TMEM108: variants seen among roughly 807,000 people sequenced by gnomAD.
The protein encoded by TMEM108 is cancer/testis antigen 124.
In TMEM108, 12 loss-of-function variants were observed where a neutral mutation model predicts 35.1. The ratio of observed to expected loss-of-function variants is 0.34; its 90% CI spans 0.22 to 0.55. The LOEUF (loss-of-function observed/expected upper bound fraction) is 0.55, where lower values mean the gene tolerates loss of function less well. TMEM108 is among the 20% of genes least tolerant of loss of function. The pLI is 0.89. For missense variants in TMEM108, 680 were observed against 753.3 expected (o/e 0.90, Z 1.14); for synonymous variants, 287 against 308.6 (o/e 0.93, Z 0.73).
chr3:133,107,385 A>C (rs1944165043), intron 2 of TMEM108, among the ~76,000 whole-genome samples: 1 of 152,170 alleles, frequency 6.6e-6, no homozygotes, highest in Admixed American at 6.6e-5. Context: ...AGCCCATGAA[A>C]GATAAAACAG....
In TMEM108 at chr3:133,198,065, C is replaced by T. The variant is rs183069602; in HGVS notation, c.-46-31201C>T. ...GTCTCTGAGAGATGTAGTTTCCAGG[C>T]GTCATGCCCCTGAGGTACAAGAGAG... On this transcript the variant is annotated intron_variant, in intron 2 of 5. Coordinates refer to ENST00000321871, the MANE Select transcript of TMEM108 (RefSeq NM_023943.4). 3.9e-5 allele frequency among the ~76,000 whole-genome samples: 6 copies of T among 152,250 alleles called. No individual in the cohort carries two copies. The East Asian group carries it at 7.7e-4, about 20-fold the overall frequency.
chr3:133,168,723 C>G (rs907746185), intron 2 of TMEM108, among the ~76,000 whole-genome samples: 4 of 152,166 alleles, frequency 2.6e-5, no homozygotes, highest in Non-Finnish European at 5.9e-5. Flanking sequence ...CACTCAGGTC[C>G]CCTTTCACAC....
intron 2 of TMEM108, among the ~76,000 whole-genome samples, chr3:133,170,488 A>G (rs1388597625): frequency 1.3e-5 from 2 of 152,244 alleles, no homozygotes; most frequent in Non-Finnish European, 2.9e-5. Context: ...AACCAAAACT[A>G]GTAAAATGTG....
At chr3:133,195,755 C>T (rs1945566297) in intron 2 of TMEM108, among the ~76,000 whole-genome samples, 1 of 152,154 alleles carries the variant, frequency 6.6e-6, no homozygotes, top group Non-Finnish European at 1.5e-5. Context: ...TATGACTTAG[C>T]CAAGGATCTT....
intron 2 of TMEM108, among the ~76,000 whole-genome samples, chr3:133,190,305 T>C (rs1458199006): frequency 1.3e-5 from 2 of 152,176 alleles, no homozygotes; most frequent in African/African-American, 4.8e-5. Context: ...CCTGATTTTA[T>C]TTATATCAGG....
chr3:133,156,664 A>G (rs1004737476), intron 2 of TMEM108, among the ~76,000 whole-genome samples: 3 of 152,198 alleles, frequency 2.0e-5, no homozygotes, highest in Non-Finnish European at 4.4e-5. Flanking sequence ...GGATTCTTAT[A>G]TAAGATTGTC....
At chr3:133,120,186 G>A (rs1944335435) in intron 2 of TMEM108, among the ~76,000 whole-genome samples, 1 of 152,220 alleles carries the variant, frequency 6.6e-6, no homozygotes, top group Non-Finnish European at 1.5e-5. Flanking sequence ...ATTAAGGCAT[G>A]AGTGCACATC....
intron 3 of TMEM108, among the ~76,000 whole-genome samples, chr3:133,262,633 C>T (rs1405784441): frequency 2.0e-5 from 3 of 152,224 alleles, no homozygotes; most frequent in Admixed American, 2.0e-4. Context: ...CTAGAGGCTA[C>T]TAACTGTCAT....
chr3:133,302,415 CT>C lies in TMEM108; in HGVS notation c.40+73087del, dbSNP rs927704510. On this transcript the variant is annotated intron_variant, in intron 3 of 5. Coordinates refer to ENST00000321871, the MANE Select transcript of TMEM108 (RefSeq NM_023943.4). The stretch of plus-strand genomic sequence containing the variant: ...TCTTGAATTTTCTTTTTCTTTCTTT[CT>C]TTTTTTTTTTTTTTTTTTTTTTGAG... Among the ~76,000 whole-genome samples the C allele has an allele frequency of 6.5e-3, 713 of 110,068 alleles. 7 individuals are homozygous for C. The highest frequency in any genetic ancestry group is 0.055 in the East Asian group (178 of 3,234). The allele number at this position is 110,068 out of a possible 152,430, so 72.2% of individuals were successfully genotyped here.
chr3:133,141,392 G>A (rs1469218766), intron 2 of TMEM108, among the ~76,000 whole-genome samples: 1 of 152,166 alleles, frequency 6.6e-6, no homozygotes, highest in African/African-American at 2.4e-5. Context: ...CAGGGATGGG[G>A]CAAGTGTGGC....
chr3:133,109,535 T>G (rs935716326), intron 2 of TMEM108, among the ~76,000 whole-genome samples: 1 of 152,196 alleles, frequency 6.6e-6, no homozygotes, highest in Non-Finnish European at 1.5e-5. Flanking sequence ...TAACTCTGTT[T>G]CTAAAGAGAA....
intron 3 of TMEM108, among the ~76,000 whole-genome samples, chr3:133,307,929 G>T (rs561452852): frequency 6.6e-6 from 1 of 152,162 alleles, no homozygotes; most frequent in African/African-American, 2.4e-5. Context: ...GGATGGCATT[G>T]AATCTATAAA....
chr3:133,078,759 T>A (rs1437286260), intron 2 of TMEM108, among the ~76,000 whole-genome samples: 1 of 152,234 alleles, frequency 6.6e-6, no homozygotes, highest in African/African-American at 2.4e-5. Flanking sequence ...TTACTAAATA[T>A]GAAATGTTTT....
chr3:133,229,602 G>A (rs1946121470), intron 3 of TMEM108, among the ~76,000 whole-genome samples: 1 of 152,134 alleles, frequency 6.6e-6, no homozygotes. Context: ...TTACAACTTG[G>A]ACATCAGTTA....
At chr3:133,068,687 C>T (rs959217403) in intron 2 of TMEM108, among the ~76,000 whole-genome samples, 4 of 151,866 alleles carry the variant, frequency 2.6e-5, no homozygotes, top group Non-Finnish European at 5.9e-5. Flanking sequence ...TTTGTGTGTT[C>T]AAAACAATCA....
At chr3:133,172,095 C>G (rs1477245051) in intron 2 of TMEM108, among the ~76,000 whole-genome samples, 2 of 152,144 alleles carry the variant, frequency 1.3e-5, no homozygotes, top group African/African-American at 2.4e-5. Context: ...AGACACTGCT[C>G]TAAGGTTTTT....
intron 3 of TMEM108, among the ~76,000 whole-genome samples, chr3:133,305,361 T>G: frequency 1.3e-5 from 1 of 74,082 alleles, no homozygotes; most frequent in South Asian, 5.2e-4. Context: ...CTGGGGACTG[T>G]GGTGGGGTGG....
intron 2 of TMEM108, among the ~76,000 whole-genome samples, chr3:133,178,444 C>G (rs1345010200): frequency 6.6e-6 from 1 of 152,070 alleles, no homozygotes; most frequent in Non-Finnish European, 1.5e-5. Context: ...CAGCATGGTA[C>G]TGGTACCAAA....
intron 2 of TMEM108, among the ~76,000 whole-genome samples, chr3:133,196,894 C>T (rs7638408): frequency 0.43 from 65,517 of 151,994 alleles, 15,052 homozygotes; most frequent in African/African-American, 0.6. Context: ...GTAGACTTCT[C>T]GTTTCTCGTT....
Sources: allele counts gnomAD v4.1 joint callset (sites outside exome capture counted in the v4.1 genomes callset), GRCh38; gene constraint gnomAD v4.1.1; transcripts MANE v1.5; gene names NCBI Gene and HGNC (gene_info 2026-07-23, HGNC 2026-07-21).